The following HLF variants were observed in gnomAD, a reference collection of about 807,000 sequenced individuals.
HLF encodes hepatic leukemia factor.
Under a neutral mutation model 22.6 loss-of-function variants are expected in HLF, and 3 were observed. The ratio of observed to expected loss-of-function variants is 0.13; its 90% confidence interval spans 0.06 to 0.34. The LOEUF is 0.34. Among genes scored for constraint, HLF ranks in the 10% least tolerant of loss-of-function variants. HLF has a pLI of 1.00. For missense variants in HLF, 299 were observed against 389.2 expected (o/e 0.77, Z 1.95); for synonymous variants, 151 against 151.8 (o/e 0.99, Z 0.04).
At chr17:55,296,588 A>G (rs915275547) in intron 2 of HLF, among the ~76,000 whole-genome samples, 1 of 152,214 alleles carries the variant, frequency 6.6e-6, no homozygotes, top group African/African-American at 2.4e-5. Flanking sequence ...ATATTAATAC[A>G]TATAGATCTG....
intron 2 of HLF, among the ~76,000 whole-genome samples, chr17:55,301,550 G>A (rs1270295738): frequency 1.3e-5 from 2 of 152,234 alleles, no homozygotes; most frequent in Non-Finnish European, 2.9e-5. Flanking sequence ...CGGAGGGCTT[G>A]AATTAGACCT....
chr17:55,305,228 A>G (rs970062580), intron 2 of HLF, among the ~76,000 whole-genome samples: 4 of 152,146 alleles, frequency 2.6e-5, no homozygotes, highest in African/African-American at 7.2e-5. Flanking sequence ...AGTGCATGAG[A>G]TGTAGCATTG....
chr17:55,298,000 T>C (rs1210816941), intron 2 of HLF, among the ~76,000 whole-genome samples: 1 of 152,036 alleles, frequency 6.6e-6, no homozygotes, highest in African/African-American at 2.4e-5. Context: ...TGTGCCTGCC[T>C]CGGCCTCCCA....
intron 2 of HLF, among the ~76,000 whole-genome samples, chr17:55,297,238 T>TCTTG (rs2081118515): frequency 6.6e-6 from 1 of 152,238 alleles, no homozygotes; most frequent in African/African-American, 2.4e-5. Context: ...TTGATACTTT[T>TCTTG]CTTGTTATTC....
At chr17:55,286,099 C>G (rs917865647) in intron 2 of HLF, among the ~76,000 whole-genome samples, 1 of 152,204 alleles carries the variant, frequency 6.6e-6, no homozygotes, top group African/African-American at 2.4e-5. Flanking sequence ...GCTAGTTACC[C>G]TCCCAGATAA....
chr17:55,291,911 G>A (rs564356092), intron 2 of HLF, among the ~76,000 whole-genome samples: 2 of 152,216 alleles, frequency 1.3e-5, no homozygotes. Flanking sequence ...GGACTTCAAG[G>A]TTTCAGTGGA....
chr17:55,298,926 A>C (rs751585158), intron 2 of HLF, among the ~76,000 whole-genome samples: 1 of 152,248 alleles, frequency 6.6e-6, no homozygotes, highest in Non-Finnish European at 1.5e-5. Context: ...GCTATAAACT[A>C]TATAGGCTGC....
intron 1 of HLF, 49 bp downstream of exon 1, chr17:55,265,648 T>C: frequency 2.9e-6 from 4 of 1,362,702 alleles, no homozygotes; most frequent in Admixed American, 1.9e-5. Flanking sequence ...GCTCCGGGGG[T>C]CCCCCTCCGC....
rs1439777738 is a variant in HLF at position 55,324,504 on chromosome 17, A to G, written c.*3625A>G. On this transcript the variant is annotated 3_prime_UTR_variant, in exon 4 of 4. Transcript: ENST00000226067. ...AACTCAATCTTTATCACAGTCAATTAGAGCGATCCCAAGGCATGGGACCAG... is the reference window on the plus strand; with the variant it reads ...AACTCAATCTTTATCACAGTCAATTGGAGCGATCCCAAGGCATGGGACCAG... The G allele has an allele frequency of 8.6e-6, 2 of 231,958 alleles. No individual in the cohort carries two copies. Among genetic ancestry groups the G allele is most frequent in the Non-Finnish European group, 1.7e-5 (2 of 117,272 alleles). The allele number at this position is 231,958 out of a possible 1,614,324, so 14.4% of individuals were successfully genotyped here.
chr17:55,299,878 G>C (rs768255192), intron 2 of HLF, among the ~76,000 whole-genome samples: 1 of 151,072 alleles, frequency 6.6e-6, no homozygotes, highest in African/African-American at 2.4e-5. Context: ...CTGTTGCCTA[G>C]GCTGGAGTGC....
chr17:55,283,892 A>T (rs1421251115), intron 2 of HLF: 1 of 152,258 alleles, frequency 6.6e-6, no homozygotes, highest in Admixed American at 6.5e-5. Context: ...AATCAAAATC[A>T]AAGTGCAGCC....
chr17:55,279,840 C>G (rs959461021), intron 2 of HLF, among the ~76,000 whole-genome samples: 1 of 152,118 alleles, frequency 6.6e-6, no homozygotes, highest in African/African-American at 2.4e-5. Context: ...TCCATTCCCC[C>G]CCACCACTCA....
At chr17:55,304,465 C>A (rs1376748916) in intron 2 of HLF, among the ~76,000 whole-genome samples, 1 of 152,204 alleles carries the variant, frequency 6.6e-6, no homozygotes, top group Non-Finnish European at 1.5e-5. Context: ...GCTGGTCTCA[C>A]CTTTCAGTGG....
rs1309809469 is a variant in HLF, at chr17:55,323,258, GAC to G, written c.*2383_*2384del. On this transcript the variant is annotated 3_prime_UTR_variant, in exon 4 of 4. Coordinates refer to ENST00000226067, the MANE Select transcript of HLF (RefSeq NM_002126.5). The stretch of plus-strand genomic sequence containing the variant: ...AGATAAATAAAAGATAGCAATATGA[GAC>G]ACAGGTGGACGTAGAGTTGGCCTTT... 9.2e-6 allele frequency: 2 copies of G among 216,814 alleles called. No homozygotes were observed. The highest frequency in any genetic ancestry group is 1.9e-5 in the Non-Finnish European group (2 of 107,692). The allele number at this position is 216,814 out of a possible 1,614,324, so 13.4% of individuals were successfully genotyped here.
intron 2 of HLF, among the ~76,000 whole-genome samples, chr17:55,269,863 G>A (rs942870531): frequency 6.6e-6 from 1 of 152,132 alleles, no homozygotes; most frequent in African/African-American, 2.4e-5. Flanking sequence ...ACTGGATTGG[G>A]GTATTTTGAC....
At chr17:55,315,696 C>T (rs567143384) in intron 3 of HLF, among the ~76,000 whole-genome samples, 1 of 152,224 alleles carries the variant, frequency 6.6e-6, no homozygotes, top group Non-Finnish European at 1.5e-5. Flanking sequence ...ATTTTAAACC[C>T]ATGAAGGAAA....
At chr17:55,287,506 T>C (rs1210937820) in intron 2 of HLF, among the ~76,000 whole-genome samples, 2 of 152,206 alleles carry the variant, frequency 1.3e-5, no homozygotes, top group African/African-American at 4.8e-5. Flanking sequence ...TGGGAAGTGT[T>C]CAGGGAATGT....
At chr17:55,303,796 G>A (rs946127458) in intron 2 of HLF, among the ~76,000 whole-genome samples, 1 of 152,190 alleles carries the variant, frequency 6.6e-6, no homozygotes, top group Non-Finnish European at 1.5e-5. Flanking sequence ...GGGGGTGAAT[G>A]TGAAACGTGT....
At position 55,288,608 on chromosome 17, in the gene HLF, GAA is replaced by G. The variant is rs1227377242; in HGVS notation, c.451+20528_451+20529del. Among the ~76,000 whole-genome samples, 3 of 151,938 alleles carry G rather than the reference GAA, an allele frequency of 2.0e-5. No homozygotes were observed. In the East Asian group the frequency reaches 5.9e-4, roughly 30 times the overall value. ...TGAAACCCCATCTCTACCAAAAACA[GAA>G]AAAAATTAGCCAGGTGTGGTGTGGT... On this transcript the variant is annotated intron_variant, in intron 2 of 3. Coordinates refer to ENST00000226067, the MANE Select transcript of HLF (RefSeq NM_002126.5).
Sources: gnomAD v4.1 joint callset for allele counts (sites outside exome capture counted in the v4.1 genomes callset) on GRCh38, gnomAD v4.1.1 for gene constraint, MANE v1.5 for transcripts, NCBI Gene and HGNC (gene_info 2026-07-23, HGNC 2026-07-21) for gene names.